The following XKR4 variants were observed in gnomAD, a reference collection of about 807,000 sequenced individuals.
The protein encoded by XKR4 is XK-related protein 4.
XKR4 carries 12 observed loss-of-function variants against 53.9 expected under a neutral mutation model. The ratio of observed to expected loss-of-function variants is 0.22; its 90% CI spans 0.14 to 0.36. XKR4 has a LOEUF of 0.36. Among genes scored for constraint, XKR4 ranks in the 10% least tolerant of loss-of-function variants. XKR4 has a pLI of 1.00. For synonymous variants in XKR4, 354 were observed against 362.4 expected, an observed-to-expected ratio of 0.98 and a Z score of 0.26; for missense variants, 799 against 859.5, an observed-to-expected ratio of 0.93 and a Z score of 0.88.
intron 1 of XKR4, among the ~76,000 whole-genome samples, chr8:55,248,104 C>G (rs985988726): frequency 6.6e-6 from 1 of 152,040 alleles, no homozygotes; most frequent in East Asian, 1.9e-4. Context: ...ATCCACCCAC[C>G]TTGACCTCCC....
rs114694716 is a variant in XKR4 at position 55,261,433 on chromosome 8, T to C, written c.807-96245T>C. Among the ~76,000 whole-genome samples the C allele has an allele frequency of 8.3e-3, 1,260 of 152,344 alleles. 19 individuals carry two copies. The highest frequency in any genetic ancestry group is 0.027 in the African/African-American group (1,103 of 41,562). On this transcript the variant is annotated intron_variant, in intron 1 of 2. Coordinates refer to ENST00000327381, the MANE Select transcript of XKR4 (RefSeq NM_052898.2). Reference sequence around the variant, plus strand: ...TCAGATCTTAGTTTATGCTATGGTTTTTAAAAATATTATTTTCTTTTCTTG... The same window carrying C: ...TCAGATCTTAGTTTATGCTATGGTTCTTAAAAATATTATTTTCTTTTCTTG...
chr8:55,209,070 T>C (rs954975695), intron 1 of XKR4, among the ~76,000 whole-genome samples: 1 of 152,220 alleles, frequency 6.6e-6, no homozygotes, highest in Admixed American at 6.5e-5. Context: ...CTGTGGCTCA[T>C]AGGCAACCAG....
chr8:55,453,878 G>A (rs140584273), intron 2 of XKR4: 56 of 566,658 alleles, frequency 9.9e-5, no homozygotes, highest in East Asian at 7.0e-4. Flanking sequence ...GGGGCAGTAC[G>A]GGACCCCACA....
At chr8:55,221,195 CT>C (rs1270173307) in intron 1 of XKR4, among the ~76,000 whole-genome samples, 1 of 152,186 alleles carries the variant, frequency 6.6e-6, no homozygotes, top group Admixed American at 6.5e-5. Context: ...TTTTTTCTTA[CT>C]TTTATTGCCT....
intron 1 of XKR4, among the ~76,000 whole-genome samples, chr8:55,349,623 A>T (rs950913238): frequency 3.5e-4 from 54 of 152,222 alleles, no homozygotes; most frequent in African/African-American, 1.3e-3. Flanking sequence ...ATTAAAATTG[A>T]AAATGACGTT....
chr8:55,307,994 C>A (rs1236658305), intron 1 of XKR4, among the ~76,000 whole-genome samples: 2 of 152,110 alleles, frequency 1.3e-5, no homozygotes, highest in South Asian at 2.1e-4. Context: ...GTATCTCATG[C>A]CTGTAATCCC....
chr8:55,322,875 T>G (rs185695149), intron 1 of XKR4, among the ~76,000 whole-genome samples: 3 of 152,336 alleles, frequency 2.0e-5, no homozygotes, highest in Admixed American at 2.0e-4. Flanking sequence ...CTATTGTCAA[T>G]ATTTACATCT....
intron 1 of XKR4, among the ~76,000 whole-genome samples, chr8:55,305,234 GATGTGGCTACTAT>G (rs1819278259): frequency 6.6e-6 from 1 of 152,188 alleles, no homozygotes; most frequent in African/African-American, 2.4e-5. Context: ...GCCACAGGTG[GATGTGGCTACTAT>G]ATTGGGCAGG....
At chr8:55,404,456 T>C (rs999127304) in intron 2 of XKR4, among the ~76,000 whole-genome samples, 5 of 152,204 alleles carry the variant, frequency 3.3e-5, no homozygotes, top group Admixed American at 3.3e-4. Context: ...TATGTTGAAC[T>C]CCACTTCTGC....
At chr8:55,414,024 AT>A (rs1804810688) in intron 2 of XKR4, among the ~76,000 whole-genome samples, 1 of 152,210 alleles carries the variant, frequency 6.6e-6, no homozygotes, top group Non-Finnish European at 1.5e-5. Context: ...ATTTGCATTA[AT>A]TTATGATCAC....
chr8:55,392,623 T>A (rs1229433012), intron 2 of XKR4, among the ~76,000 whole-genome samples: 1 of 152,104 alleles, frequency 6.6e-6, no homozygotes, highest in Admixed American at 6.5e-5. Context: ...AAACCCTATT[T>A]CTACAAAAAG....
chr8:55,485,073 G>A (rs892208138), intron 2 of XKR4, among the ~76,000 whole-genome samples: 1 of 152,206 alleles, frequency 6.6e-6, no homozygotes, highest in South Asian at 2.1e-4. Flanking sequence ...ATCCATTCAT[G>A]ATAAAAATTC....
Position 55,103,274 on chromosome 8 carries a change from G to T in XKR4, c.786G>T (p.Leu262Phe). The part of the protein sequence containing the change: ...IWLLQSLIHI[L>F]QLGQIWRYFH... ...TCCTGCAGTCACTCATCCACATCTT[G>T]CAGCTCGGGCAAATCTGGAGGTACT... The change falls in exon 1 of 3, where the codon TTG (leucine) becomes TTT (phenylalanine). Residue 262 changes from leucine to phenylalanine, a missense_variant. Leu to Phe is a conservative substitution (Grantham distance 22, BLOSUM62 0). This residue lies in a region of XKR4 where 476 missense variants were observed against 505.4 expected (regional missense o/e 0.94). Transcript: ENST00000327381. 6.2e-7 allele frequency: 1 copy of T among 1,608,548 alleles called. No individual in the cohort carries two copies. The highest frequency in any genetic ancestry group is 1.1e-5 in the South Asian group (1 of 90,490).
At chr8:55,329,734 C>T (rs928755056) in intron 1 of XKR4, among the ~76,000 whole-genome samples, 3 of 152,112 alleles carry the variant, frequency 2.0e-5, no homozygotes, top group Non-Finnish European at 4.4e-5. Context: ...TTTGTTTAAT[C>T]CACTCATGCA....
intron 1 of XKR4, among the ~76,000 whole-genome samples, chr8:55,279,777 C>T (rs961278104): frequency 1.3e-5 from 2 of 152,108 alleles, no homozygotes; most frequent in African/African-American, 2.4e-5. Flanking sequence ...CAGAATGGGG[C>T]CATGTCTTGG....
chr8:55,458,391 G>A (rs528253845), intron 2 of XKR4, among the ~76,000 whole-genome samples: 3 of 152,254 alleles, frequency 2.0e-5, no homozygotes, highest in South Asian at 4.1e-4. Flanking sequence ...ATATGGTCCC[G>A]TGGCAGTGTC....
intron 1 of XKR4, among the ~76,000 whole-genome samples, chr8:55,175,164 C>T (rs1054086241): frequency 6.6e-6 from 1 of 152,150 alleles, no homozygotes; most frequent in Non-Finnish European, 1.5e-5. Flanking sequence ...TGAGATTTGT[C>T]AGGAAACTCA....
In XKR4 at chr8:55,257,781, A is replaced by T. The variant is rs117427803; in HGVS notation, c.807-99897A>T. 8.7e-3 allele frequency among the ~76,000 whole-genome samples: 1,331 copies of T among 152,334 alleles called. 11 individuals carry two copies. Among genetic ancestry groups the T allele is most frequent in the Non-Finnish European group, 0.014 (950 of 68,038 alleles). ...AAAGGAAACACATTTCCAGGGTTTGAAAAGAGGAAAACGATTGATTTTTGC... is the reference window on the plus strand; with the variant it reads ...AAAGGAAACACATTTCCAGGGTTTGTAAAGAGGAAAACGATTGATTTTTGC... On this transcript the variant is annotated intron_variant, in intron 1 of 2. Transcript: ENST00000327381.
chr8:55,200,142 G>A (rs1371866503), intron 1 of XKR4, among the ~76,000 whole-genome samples: 1 of 152,130 alleles, frequency 6.6e-6, no homozygotes, highest in South Asian at 2.1e-4. Flanking sequence ...TCGGCTCACA[G>A]CTGCAACCTC....
Sources: gnomAD v4.1 joint callset for allele counts (sites outside exome capture counted in the v4.1 genomes callset) on GRCh38, gnomAD v4.1.1 for gene constraint, gnomAD v4.1.1 regional missense constraint, MANE v1.5 for transcripts, NCBI Gene and HGNC (gene_info 2026-07-23, HGNC 2026-07-21) for gene names.